The following DOCK5 variants were observed in gnomAD, a reference collection of about 807,000 sequenced individuals.
The protein encoded by DOCK5 is dedicator of cytokinesis 5.
Under a neutral mutation model 251.8 loss-of-function variants are expected in DOCK5, and 142 were observed. The ratio of observed to expected loss-of-function variants is 0.56; its 90% confidence interval spans 0.49 to 0.65. The LOEUF (loss-of-function observed/expected upper bound fraction) is 0.65. Among genes scored for constraint, DOCK5 ranks in the 30% least tolerant of loss-of-function variants. The probability of loss-of-function intolerance (pLI) is 0.00; values close to 1 mark genes in which losing one functional copy is unlikely to be tolerated. For synonymous variants in DOCK5, 842 were observed against 835.5 expected (o/e 1.01, Z -0.13); for missense variants, 2,111 against 2,312.3 (o/e 0.91, Z 1.79).
Position 25,340,882 on chromosome 8 carries a change from A to C in DOCK5, c.2333A>C (p.Tyr778Ser). Residue 778 changes from tyrosine to serine, a missense_variant, in exon 23 of 52, where the codon TAT becomes TCT. Tyr to Ser is a moderately radical substitution (Grantham distance 144). Coordinates refer to ENST00000276440, the MANE Select transcript of DOCK5 (RefSeq NM_024940.8). ...TTTGTCTTTTTCCTATTAAGATTTT[A>C]TGGGCAGAGCAAAGATGGAGATGAG... ...IQSRVLYLRF[Y>S]GQSKDGDEFN... 3 of 1,613,128 alleles carry C rather than the reference A, an allele frequency of 1.9e-6. No homozygotes were observed. Among genetic ancestry groups the C allele is most frequent in the Non-Finnish European group, 2.5e-6 (3 of 1,179,520 alleles).
At chr8:25,374,893 T>C in intron 37 of DOCK5, 1 of 1,329,098 alleles carries the variant, frequency 7.5e-7, no homozygotes, top group Non-Finnish European at 9.7e-7. Flanking sequence ...GAACCTTTGG[T>C]AATTGACACT....
In DOCK5 at chr8:25,395,656, C is replaced by G. The variant is rs143415337; in HGVS notation, c.4641C>G (p.Leu1547=). The change falls in exon 45 of 52, where the codon CTC becomes CTG. Residue 1547 remains leucine, a synonymous_variant. Coordinates refer to ENST00000276440, the MANE Select transcript of DOCK5 (RefSeq NM_024940.8). ...AWDRSLSVHP[L]SMLLSGIVDP... ...ACCGGTCCCTCTCTGTGCACCCTCT[C>G]TCCATGCTGCTCAGTGGCATCGTGG... The G allele has an allele frequency of 5.6e-6, 9 of 1,613,650 alleles. No homozygotes were observed. The highest frequency in any genetic ancestry group is 1.3e-5 in the African/African-American group (1 of 74,848).
chr8:25,336,690 C>A (rs1287133844), intron 22 of DOCK5, among the ~76,000 whole-genome samples: 1 of 152,168 alleles, frequency 6.6e-6, no homozygotes, highest in Non-Finnish European at 1.5e-5. Flanking sequence ...GGATCATGAT[C>A]TGCTGTCGCT....
Position 25,351,783 on chromosome 8 carries a change from T to TAC in DOCK5, c.2807_2808insAC (p.Asn937ProfsTer5). The TAC allele has an allele frequency of 6.2e-7, 1 of 1,613,862 alleles. No homozygotes were observed. Among genetic ancestry groups the TAC allele is most frequent in the Non-Finnish European group, 8.5e-7 (1 of 1,179,854 alleles). Reference sequence around the variant, plus strand: ...ATAATGGAACGGCTGCTGAGAAGGATCAACCGGACAGTGATTGGGATGAAC... The same window carrying TAC: ...ATAATGGAACGGCTGCTGAGAAGGATACCAACCGGACAGTGATTGGGATGAAC... On this transcript the variant is annotated frameshift_variant, in exon 27 of 52. Transcript: ENST00000276440. LOFTEE classifies it high-confidence loss of function.
chr8:25,380,836 C>G (rs1046695284), intron 39 of DOCK5, among the ~76,000 whole-genome samples: 1 of 151,620 alleles, frequency 6.6e-6, no homozygotes, highest in Non-Finnish European at 1.5e-5. Flanking sequence ...GAGGCAGCCA[C>G]CATTCCGAAT....
intron 5 of DOCK5, among the ~76,000 whole-genome samples, chr8:25,283,405 C>A (rs1254388655): frequency 6.6e-6 from 1 of 152,140 alleles, no homozygotes; most frequent in East Asian, 1.9e-4. Context: ...CACTTGAACA[C>A]TTCAAGTCTG....
chr8:25,314,723 A>ATCCACCCATCCATCCCTCCC (rs1486672992), intron 13 of DOCK5, among the ~76,000 whole-genome samples: 2 of 141,944 alleles, frequency 1.4e-5, no homozygotes, highest in African/African-American at 5.3e-5. Flanking sequence ...CCCAACCTCT[A>ATCCACCCATCCATCCCTCCC]TCCACCCATC....
chr8:25,334,712 T>TAA (rs551681119), intron 21 of DOCK5, among the ~76,000 whole-genome samples: 10 of 126,780 alleles, frequency 7.9e-5, no homozygotes, highest in South Asian at 2.5e-4. Context: ...ACTTAGTATC[T>TAA]AAAAAAAAAA....
At chr8:25,239,341 A>ATGTGTGTGTGTGTGTGTGTGTGTGTG (rs55869213) in intron 1 of DOCK5, among the ~76,000 whole-genome samples, 1 of 142,188 alleles carries the variant, frequency 7.0e-6, no homozygotes, top group Non-Finnish European at 1.5e-5. Context: ...GTGTGTGTGT[A>ATGTGTGTGTGTGTGTGTGTGTGTGTG]TGTGTGTGTG....
intron 38 of DOCK5, among the ~76,000 whole-genome samples, chr8:25,378,141 C>G (rs1247873508): frequency 1.3e-5 from 2 of 152,140 alleles, no homozygotes; most frequent in Non-Finnish European, 2.9e-5. Context: ...GCTGATATCG[C>G]ATGGCTCACA....
intron 10 of DOCK5, among the ~76,000 whole-genome samples, chr8:25,303,535 T>TA (rs1314380223): frequency 1.3e-5 from 2 of 152,206 alleles, no homozygotes; most frequent in Non-Finnish European, 2.9e-5. Flanking sequence ...ATTGAGGAAA[T>TA]ACATTTTGGG....
rs1803832957 is a variant in DOCK5 at position 25,268,856 on chromosome 8, G to A, written c.139G>A (p.Gly47Arg). 1 of 1,565,030 alleles carries A rather than the reference G, an allele frequency of 6.4e-7. No individual in the cohort carries two copies. The highest frequency in any genetic ancestry group is 2.1e-5 in the Admixed American group (1 of 48,150). ...TTTTGCTCTGACAGGTTGGTACAGA[G>A]GATATACCCTCCAAAATAAATCTAA... ...ILEMYEGWYR[G>R]YTLQNKSKKG... is the part of the protein sequence containing the mutation. Residue 47 changes from glycine (G) to arginine (R), a missense_variant, in exon 3 of 52, where the codon GGA (glycine) becomes AGA (arginine). By Grantham distance (125) the Gly-to-Arg change is moderately radical. Coordinates refer to ENST00000276440, the MANE Select transcript of DOCK5 (RefSeq NM_024940.8).
chr8:25,398,739 C>T (rs750066905), intron 45 of DOCK5, among the ~76,000 whole-genome samples: 1 of 152,156 alleles, frequency 6.6e-6, no homozygotes, highest in Admixed American at 6.5e-5. Flanking sequence ...TTTATAAGGA[C>T]ACCAGTCATA....
At position 25,382,680 on chromosome 8, in the gene DOCK5, A is replaced by G. The variant is rs1376194980; in HGVS notation, c.4033A>G (p.Arg1345Gly). The change falls in exon 40 of 52, where the codon AGG (arginine) becomes GGG (glycine). Residue 1345 changes from arginine to glycine, a missense_variant. Coordinates refer to ENST00000276440, the MANE Select transcript of DOCK5 (RefSeq NM_024940.8). ...YEGLGNLLKK[R>G]ASFYENIIKA... The stretch of plus-strand genomic sequence containing the variant: ...GTCTTGTTTTGTTTTCCAGAAAAAA[A>G]GGGCCTCATTTTATGAGAACATCAT... 2 of 1,607,672 alleles carry G rather than the reference A, an allele frequency of 1.2e-6. No individual in the cohort carries two copies. Among genetic ancestry groups the G allele is most frequent in the Non-Finnish European group, 1.7e-6 (2 of 1,176,914 alleles).
chr8:25,387,911 C>T (rs757040405), intron 40 of DOCK5, among the ~76,000 whole-genome samples: 23 of 152,176 alleles, frequency 1.5e-4, no homozygotes, highest in Non-Finnish European at 3.1e-4. Flanking sequence ...TTACAGTTAT[C>T]GTCTGCATCA....
chr8:25,206,886 G>A (rs1466237770), intron 1 of DOCK5, among the ~76,000 whole-genome samples: 1 of 152,194 alleles, frequency 6.6e-6, no homozygotes, highest in Non-Finnish European at 1.5e-5. Flanking sequence ...AGCCAATGTT[G>A]TGAATGGAAA....
intron 5 of DOCK5, among the ~76,000 whole-genome samples, chr8:25,285,866 A>C (rs561323730): frequency 2.6e-5 from 4 of 152,308 alleles, no homozygotes; most frequent in Non-Finnish European, 1.5e-5. Flanking sequence ...TGTGGCTCTA[A>C]CAAGAGAGCC....
At chr8:25,347,823 A>G (rs977058790) in intron 26 of DOCK5, among the ~76,000 whole-genome samples, 2 of 152,188 alleles carry the variant, frequency 1.3e-5, no homozygotes, top group African/African-American at 4.8e-5. Flanking sequence ...ATTGTTCTAG[A>G]CGACCTCTTT....
In DOCK5 at chr8:25,210,202, C is replaced by G. The variant is rs190927449; in HGVS notation, c.43+25251C>G. On this transcript the variant is annotated intron_variant, in intron 1 of 51. Coordinates refer to ENST00000276440, the MANE Select transcript of DOCK5 (RefSeq NM_024940.8). ...TGAACTCTTGGCCTCAAGCGATCCT[C>G]CTGCCTTGGGCTCCCAAAGTGCTGA... Among the ~76,000 whole-genome samples, 9 of 63,546 alleles carry G rather than the reference C, an allele frequency of 1.4e-4. 4 individuals carry two copies. Among genetic ancestry groups the G allele is most frequent in the Non-Finnish European group, 3.9e-4 (8 of 20,426 alleles). 41.7% of individuals were successfully genotyped at this position (63,546 alleles called of 152,430 possible).
Sources: gnomAD v4.1 joint callset for allele counts (sites outside exome capture counted in the v4.1 genomes callset) on GRCh38, gnomAD v4.1.1 for gene constraint, MANE v1.5 for transcripts, NCBI Gene and HGNC (gene_info 2026-07-23, HGNC 2026-07-21) for gene names.